The following GFRA2 variants were observed in gnomAD, a reference collection of about 807,000 sequenced individuals.
GFRA2 encodes GDNF family receptor alpha-2.
A neutral mutation model predicts 48.3 loss-of-function variants in GFRA2; 17 were observed. The observed-to-expected ratio is 0.35, with a 90% CI of 0.24 to 0.53. GFRA2 has a LOEUF of 0.53. GFRA2 is among the 20% of genes least tolerant of loss of function. The probability of loss-of-function intolerance (pLI) is 0.93; values close to 1 mark genes in which losing one functional copy is unlikely to be tolerated. For missense variants in GFRA2, 660 were observed against 637.3 expected (o/e 1.04, Z -0.38); for synonymous variants, 305 against 257.2 (o/e 1.19, Z -1.78).
intron 3 of GFRA2, among the ~76,000 whole-genome samples, chr8:21,761,942 ACT>A (rs1805932141): frequency 6.6e-6 from 1 of 151,572 alleles, no homozygotes; most frequent in African/African-American, 2.4e-5. Context: ...ACAGAGCGAG[ACT>A]CTGTCTAAAA....
chr8:21,786,098 G>GC lies in GFRA2; in HGVS notation c.40+2021_40+2022insG, dbSNP rs745452330. On this transcript the variant is annotated intron_variant, in intron 1 of 8. Transcript: ENST00000524240. ...GAAACTGAAGGGCTGTGGAGCAAGG[G>GC]GATGCTGAGCCTGCTGCTCTTCTGC... is the stretch of plus-strand genomic sequence containing the variant. Among the ~76,000 whole-genome samples the GC allele has an allele frequency of 2.0e-4, 30 of 152,332 alleles. No individual in the cohort carries two copies. In the South Asian group the frequency reaches 2.3e-3, roughly 12 times the overall value.
intron 4 of GFRA2, among the ~76,000 whole-genome samples, chr8:21,712,529 AG>A (rs2117403507): frequency 7.4e-6 from 1 of 134,370 alleles, no homozygotes; most frequent in East Asian, 2.4e-4. Flanking sequence ...CAGACTGGGC[AG>A]CCAGGCAGAG....
chr8:21,714,022 C>T (rs1032666675), intron 4 of GFRA2, among the ~76,000 whole-genome samples: 2 of 152,190 alleles, frequency 1.3e-5, no homozygotes, highest in South Asian at 2.1e-4. Context: ...ACACACCTAT[C>T]GCCACGGAGA....
intron 4 of GFRA2, among the ~76,000 whole-genome samples, chr8:21,749,536 A>C (rs1805173623): frequency 6.6e-6 from 1 of 151,872 alleles, no homozygotes; most frequent in East Asian, 1.9e-4. Context: ...TCATATGATC[A>C]TTGAGACTGG....
At chr8:21,694,401 G>A (rs370626111) in intron 8 of GFRA2, 63 bp downstream of exon 8, 101 of 1,487,340 alleles carry the variant, frequency 6.8e-5, no homozygotes, top group Non-Finnish European at 7.8e-5. Flanking sequence ...AGGCTCGCCG[G>A]GGAAATGCCG....
chr8:21,725,998 C>G (rs1803851630), intron 4 of GFRA2, among the ~76,000 whole-genome samples: 1 of 152,182 alleles, frequency 6.6e-6, no homozygotes, highest in Non-Finnish European at 1.5e-5. Context: ...GAGCTAGGAG[C>G]TGGGTTTTGC....
intron 4 of GFRA2, among the ~76,000 whole-genome samples, chr8:21,714,246 C>CTTTTTTTTTTTTTTTTTTTTTTTTTTT (rs10674628): frequency 5.1e-5 from 4 of 78,402 alleles, no homozygotes; most frequent in African/African-American, 1.6e-4. Flanking sequence ...GTCTGAAGTT[C>CTTTTTTTTTTTTTTTTTTTTTTTTTTT]TTTTTTTTTT....
chr8:21,696,629 G>A (rs1302333647), intron 7 of GFRA2, among the ~76,000 whole-genome samples: 1 of 152,142 alleles, frequency 6.6e-6, no homozygotes, highest in Non-Finnish European at 1.5e-5. Flanking sequence ...CCTGGCCTGG[G>A]AGCTTGGCCA....
chr8:21,701,886 A>G (rs1258669662), intron 7 of GFRA2, among the ~76,000 whole-genome samples: 1 of 152,140 alleles, frequency 6.6e-6, no homozygotes, highest in Non-Finnish European at 1.5e-5. Context: ...TCCCAAAGCC[A>G]CGGCTTTGGA....
At chr8:21,789,762 C>T (rs1807499152), upstream of GFRA2, among the ~76,000 whole-genome samples, 1 of 123,262 alleles carries the variant, frequency 8.1e-6, no homozygotes, top group South Asian at 2.8e-4. Flanking sequence ...CTTCGAGATG[C>T]CCCTTCCCCA....
intron 3 of GFRA2, among the ~76,000 whole-genome samples, chr8:21,754,622 C>T (rs1805475347): frequency 6.7e-6 from 1 of 150,344 alleles, no homozygotes; most frequent in Non-Finnish European, 1.5e-5. Context: ...GATTCTCCTG[C>T]TTCAGCCTCC....
chr8:21,752,731 TC>T (rs1178750007), intron 3 of GFRA2, among the ~76,000 whole-genome samples: 2 of 151,644 alleles, frequency 1.3e-5, no homozygotes, highest in Non-Finnish European at 1.5e-5. Flanking sequence ...ACCCCGTATT[TC>T]CCCCCAAAAC....
chr8:21,707,710 AG>A (rs1448677213), intron 4 of GFRA2, among the ~76,000 whole-genome samples: 8 of 152,344 alleles, frequency 5.3e-5, no homozygotes, highest in Non-Finnish European at 8.8e-5. Context: ...ATGAATAAAA[AG>A]TACTCTAATT....
chr8:21,774,527 C>A (rs1806597232), intron 3 of GFRA2, among the ~76,000 whole-genome samples: 1 of 152,208 alleles, frequency 6.6e-6, no homozygotes, highest in East Asian at 1.9e-4. Context: ...GAGCACTTTA[C>A]CACCCACTGA....
At chr8:21,785,308 T>G (rs1370485689) in intron 1 of GFRA2, among the ~76,000 whole-genome samples, 1 of 152,154 alleles carries the variant, frequency 6.6e-6, no homozygotes, top group Non-Finnish European at 1.5e-5. Flanking sequence ...ACCTGGCACG[T>G]GTGGCCAGGC....
In GFRA2 at chr8:21,761,241, T is replaced by C. The variant is rs112797599; in HGVS notation, c.440-10299A>G. The stretch of plus-strand genomic sequence containing the variant: ...CCAGCCCGCCCTCAAGATCCATTTA[T>C]TTTTTGCAACAAACACTTACTGACA... On this transcript the variant is annotated intron_variant, in intron 3 of 8. Coordinates refer to ENST00000524240, the MANE Select transcript of GFRA2 (RefSeq NM_001495.5). Among the ~76,000 whole-genome samples, 853 of 152,348 alleles carry C rather than the reference T, an allele frequency of 5.6e-3. 5 individuals are homozygous for C. Among genetic ancestry groups the C allele is most frequent in the African/African-American group, 0.02 (812 of 41,566 alleles).
intron 2 of GFRA2, among the ~76,000 whole-genome samples, chr8:21,795,239 C>T (rs1047815871): frequency 2.6e-4 from 39 of 152,304 alleles, no homozygotes; most frequent in South Asian, 6.2e-4. Context: ...TTGTACTTCC[C>T]GGCTGTACAA....
intron 4 of GFRA2, among the ~76,000 whole-genome samples, chr8:21,728,194 G>A (rs1803979262): frequency 6.6e-6 from 1 of 151,486 alleles, no homozygotes; most frequent in African/African-American, 2.4e-5. Flanking sequence ...AATTCCCCAG[G>A]GAGCCCAGGA....
intron 4 of GFRA2, among the ~76,000 whole-genome samples, chr8:21,749,619 C>T (rs538999244): frequency 1.2e-4 from 18 of 152,134 alleles, no homozygotes; most frequent in Admixed American, 5.2e-4. Context: ...ACGTGACCTA[C>T]GTTGGGATAT....
Sources: gnomAD v4.1 joint callset for allele counts (sites outside exome capture counted in the v4.1 genomes callset) on GRCh38, gnomAD v4.1.1 for gene constraint, MANE v1.5 for transcripts, NCBI Gene and HGNC (gene_info 2026-07-23, HGNC 2026-07-21) for gene names.